The following COBLL1 variants were observed in gnomAD, a reference collection of about 807,000 sequenced individuals.
COBLL1 encodes the protein cordon-bleu protein-like 1.
In COBLL1, 50 loss-of-function variants were observed where a neutral mutation model predicts 94.8. That is an observed-to-expected ratio of 0.53 (90% confidence interval 0.42 to 0.67). The LOEUF (loss-of-function observed/expected upper bound fraction) is 0.67, where lower values mean the gene tolerates loss of function less well. COBLL1 is among the 30% of genes least tolerant of loss of function. The pLI is 0.00. For synonymous variants in COBLL1, 448 were observed against 473.8 expected (o/e 0.95, Z 0.71); for missense variants, 1,362 against 1,348.7 (o/e 1.01, Z -0.15).
intron 2 of COBLL1, among the ~76,000 whole-genome samples, chr2:164,822,514 G>A (rs1344550443): frequency 6.6e-6 from 1 of 152,056 alleles, no homozygotes; most frequent in African/African-American, 2.4e-5. Flanking sequence ...GCAATCCACT[G>A]CCCCTGACGA....
intron 7 of COBLL1, 121 bp from the exon 8 acceptor site, chr2:164,705,226 T>A: frequency 1.5e-6 from 1 of 681,802 alleles, no homozygotes; most frequent in Non-Finnish European, 2.1e-6. Context: ...AGTCATTCCT[T>A]AAAAACGTTT....
chr2:164,768,499 C>T (rs557707478), intron 2 of COBLL1, among the ~76,000 whole-genome samples: 4 of 151,906 alleles, frequency 2.6e-5, no homozygotes, highest in East Asian at 1.9e-4. Flanking sequence ...ATGTGGCCCA[C>T]GAAAGCCAAA....
chr2:164,704,492 G>A lies in COBLL1; in HGVS notation c.1177C>T (p.Pro393Ser), dbSNP rs375346118. The change falls in exon 9 of 14, where the codon CCA becomes TCA. Residue 393 changes from proline (P) to serine (S), a missense_variant. Transcript: ENST00000652658. ...TALQPVDGVPPDSASEANSPE... is the reference protein window; with the variant it reads ...TALQPVDGVPSDSASEANSPE... ...GAGTTTGCTTCTGAAGCACTGTCTG[G>A]AGGAACTCCATCTACTGGCTGTAAG... The A allele has an allele frequency of 1.9e-6, 3 of 1,613,614 alleles. No individual in the cohort carries two copies. Among genetic ancestry groups the A allele is most frequent in the African/African-American group, 1.3e-5 (1 of 75,034 alleles).
intron 2 of COBLL1, among the ~76,000 whole-genome samples, chr2:164,784,240 T>G (rs543730554): frequency 6.6e-6 from 1 of 152,192 alleles, no homozygotes; most frequent in South Asian, 2.1e-4. Context: ...TTATATTTTA[T>G]AGACTTTAAG....
chr2:164,712,472 C>G (rs945512741), intron 7 of COBLL1, among the ~76,000 whole-genome samples: 9 of 152,008 alleles, frequency 5.9e-5, no homozygotes, highest in Non-Finnish European at 1.2e-4. Flanking sequence ...CTTCTCCAAC[C>G]TGGACATTCA....
chr2:164,812,714 A>G (rs892998137), intron 2 of COBLL1, among the ~76,000 whole-genome samples: 2 of 152,026 alleles, frequency 1.3e-5, no homozygotes, highest in African/African-American at 4.8e-5. Context: ...CCTTGGTACA[A>G]TGCCTAGCAT....
intron 2 of COBLL1, among the ~76,000 whole-genome samples, chr2:164,840,456 G>T (rs1386329964): frequency 1.3e-5 from 2 of 151,984 alleles, no homozygotes. Flanking sequence ...GCTTAACAAG[G>T]TAACTATTAG....
chr2:164,779,635 G>A, intron 2 of COBLL1: 1 of 470,216 alleles, frequency 2.1e-6, no homozygotes, highest in Non-Finnish European at 4.4e-6. Flanking sequence ...CAGATTCTCA[G>A]GCCCAGGCAG....
intron 2 of COBLL1, among the ~76,000 whole-genome samples, chr2:164,776,688 G>A (rs550082726): frequency 6.6e-6 from 1 of 151,908 alleles, no homozygotes; most frequent in South Asian, 2.1e-4. Context: ...GCCTATAACA[G>A]GGACTGGGAC....
downstream of COBLL1, among the ~76,000 whole-genome samples, chr2:164,677,587 G>C (rs1188758778): frequency 6.6e-6 from 1 of 152,166 alleles, no homozygotes; most frequent in Non-Finnish European, 1.5e-5. Flanking sequence ...TTACTCAACA[G>C]AGCTCTAGCT....
Position 164,680,429 on chromosome 2 carries a change from T to C in COBLL1, c.*5517A>G, listed in dbSNP as rs1190034122. On this transcript the variant is annotated 3_prime_UTR_variant, in exon 14 of 14. Coordinates refer to ENST00000652658, the MANE Select transcript of COBLL1 (RefSeq NM_001365672.2). ...AATCATCCAAAAAGTTTCTTCACTA[T>C]GAACCCTTCAGTGAACTTTTCCCCA... is the stretch of plus-strand genomic sequence containing the variant. 1 of 152,130 alleles carries C rather than the reference T, an allele frequency of 6.6e-6. No individual in the cohort carries two copies. The highest frequency in any genetic ancestry group is 1.5e-5 in the Non-Finnish European group (1 of 68,004). The allele number at this position is 152,130 out of a possible 1,614,324, so 9.4% of individuals were successfully genotyped here.
intron 7 of COBLL1, among the ~76,000 whole-genome samples, chr2:164,713,056 G>A (rs1684985439): frequency 6.6e-6 from 1 of 151,976 alleles, no homozygotes; most frequent in Non-Finnish European, 1.5e-5. Context: ...CTTTTGGTGG[G>A]GTGGGGGAAG....
At chr2:164,670,596 T>C (rs1234590815) in intron 1 of COBLL1, among the ~76,000 whole-genome samples, 2 of 152,242 alleles carry the variant, frequency 1.3e-5, no homozygotes, top group Non-Finnish European at 2.9e-5. Context: ...CTGAATTCCA[T>C]CTACTTTTAA....
Position 164,772,035 on chromosome 2 carries a change from C to G in COBLL1, c.42-28160G>C, listed in dbSNP as rs539831221. 2.0e-5 allele frequency: 3 copies of G among 152,054 alleles called. 1 individual carries two copies. The highest frequency in any genetic ancestry group is 7.2e-5 in the African/African-American group (3 of 41,530). The allele number at this position is 152,054 out of a possible 1,614,324, so 9.4% of individuals were successfully genotyped here. Reference sequence around the variant, plus strand: ...TAAACAAGACACCAAGAGGTACCTTCTCCTCTTCCTTATTAATGACATCAT... The same window carrying G: ...TAAACAAGACACCAAGAGGTACCTTGTCCTCTTCCTTATTAATGACATCAT... On this transcript the variant is annotated intron_variant, in intron 2 of 13. Coordinates refer to ENST00000652658, the MANE Select transcript of COBLL1 (RefSeq NM_001365672.2).
At chr2:164,694,085 A>G (rs943618664) in intron 12 of COBLL1, among the ~76,000 whole-genome samples, 184 bp downstream of exon 12, 1 of 152,196 alleles carries the variant, frequency 6.6e-6, no homozygotes, top group African/African-American at 2.4e-5. Flanking sequence ...AACAAGTTAT[A>G]TAAGTTATAA....
At chr2:164,803,582 T>TAAAATAAAATA (rs145038455) in intron 2 of COBLL1, among the ~76,000 whole-genome samples, 14,757 of 145,772 alleles carry the variant, frequency 0.1, 953 homozygotes, top group Admixed American at 0.15. Flanking sequence ...AATAAATAAA[T>TAAAATAAAATA]AAATAAAATA....
At chr2:164,696,470 G>A (rs1026563977) in intron 11 of COBLL1, 7 of 152,196 alleles carry the variant, frequency 4.6e-5, no homozygotes, top group African/African-American at 1.7e-4. Flanking sequence ...GGCTGTTAGA[G>A]GACTTTATTT....
At chr2:164,829,488 T>G (rs1488380562) in intron 2 of COBLL1, among the ~76,000 whole-genome samples, 1 of 152,132 alleles carries the variant, frequency 6.6e-6, no homozygotes, top group Non-Finnish European at 1.5e-5. Flanking sequence ...AAAGCATGCA[T>G]CTACTTAGCT....
chr2:164,673,307 G>A (rs1328004878), intron 1 of COBLL1, among the ~76,000 whole-genome samples: 2 of 152,192 alleles, frequency 1.3e-5, no homozygotes, highest in Admixed American at 6.5e-5. Flanking sequence ...GGAGAGGGGG[G>A]CATTAGTTAG....
Sources: allele counts gnomAD v4.1 joint callset (sites outside exome capture counted in the v4.1 genomes callset), GRCh38; gene constraint gnomAD v4.1.1; transcripts MANE v1.5; gene names NCBI Gene and HGNC (gene_info 2026-07-23, HGNC 2026-07-21).